NDC1: variants seen among roughly 807,000 people sequenced by gnomAD.
The protein encoded by NDC1 is nucleoporin NDC1.
A neutral mutation model predicts 89.8 loss-of-function variants in NDC1; 24 were observed. That is an observed-to-expected ratio of 0.27 (90% CI 0.19 to 0.38). The LOEUF is 0.38. Among genes scored for constraint, NDC1 ranks in the 10% least tolerant of loss-of-function variants. NDC1 has a pLI of 1.00. For synonymous variants in NDC1, 296 were observed against 284.8 expected (o/e 1.04, Z -0.39); for missense variants, 728 against 797.6 (o/e 0.91, Z 1.05).
At chr1:53,787,866 T>TA (rs10714462) in intron 15 of NDC1, among the ~76,000 whole-genome samples, 53 of 134,966 alleles carry the variant, frequency 3.9e-4, no homozygotes, top group South Asian at 1.4e-3. Flanking sequence ...GCCAGGAAAT[T>TA]AAAAAAAAAA....
intron 5 of NDC1, among the ~76,000 whole-genome samples, chr1:53,823,085 C>G (rs1312176396): frequency 6.6e-6 from 1 of 152,168 alleles, no homozygotes; most frequent in Non-Finnish European, 1.5e-5. Flanking sequence ...CCAGGCAAGA[C>G]ACTTACAAAC....
At chr1:53,833,829 A>T (rs936090103) in intron 2 of NDC1, among the ~76,000 whole-genome samples, 3 of 146,276 alleles carry the variant, frequency 2.1e-5, no homozygotes, top group South Asian at 2.1e-4. Context: ...ATTGACCTAA[A>T]TTTTTTTTTT....
intron 9 of NDC1, among the ~76,000 whole-genome samples, chr1:53,805,683 A>G (rs537971092): frequency 3.6e-4 from 55 of 152,318 alleles, no homozygotes; most frequent in African/African-American, 1.3e-3. Flanking sequence ...ATTTAAGGAG[A>G]GTTCACTAAA....
In NDC1 at chr1:53,812,084, C is replaced by T. The variant is rs569134454; in HGVS notation, c.704-2338G>A. ...AGAGTACTGCATCAAAGGAACACCT[C>T]GTGGGACAAAAGAATGTGAACAACA... On this transcript the variant is annotated intron_variant, in intron 6 of 17. Transcript: ENST00000371429. Among the ~76,000 whole-genome samples the T allele has an allele frequency of 7.2e-5, 11 of 152,288 alleles. No homozygotes were observed. The East Asian group carries it at 1.9e-3, about 27-fold the overall frequency.
chr1:53,833,773 T>C (rs758559024), intron 2 of NDC1, among the ~76,000 whole-genome samples: 3 of 152,088 alleles, frequency 2.0e-5, no homozygotes, highest in African/African-American at 7.2e-5. Context: ...AAGAGCATGT[T>C]TGCTAAGACT....
At position 53,838,235 on chromosome 1, in the gene NDC1, G is replaced by A. The variant is rs1181200; in HGVS notation, c.27C>T (p.Cys9=). Residue 9 remains cysteine (C), a synonymous_variant, in exon 1 of 18, where the codon TGC becomes TGT. Coordinates refer to ENST00000371429, the MANE Select transcript of NDC1 (RefSeq NM_018087.5). MATAVSRP[C]AGRSRDILWR... The stretch of plus-strand genomic sequence containing the variant: ...ACAGTATGTCCCGCGACCTGCCGGC[G>A]CAGGGCCGGCTCACGGCCGTGGCCA... 2,196 of 1,536,572 alleles carry A rather than the reference G, an allele frequency of 1.4e-3. 30 individuals carry two copies. In the African/African-American group the frequency reaches 0.025, roughly 18 times the overall value.
At position 53,807,825 on chromosome 1, in the gene NDC1, G is replaced by A. The variant is rs764104638; in HGVS notation, c.756-34C>T. ...GCAGAAATTACTATTAATCCTCTAG[G>A]AAAAATGCAATCTAAATATTAACAC... On this transcript the variant is annotated intron_variant, in intron 7 of 17. Transcript: ENST00000371429. The A allele has an allele frequency of 6.4e-6, 10 of 1,569,222 alleles. No individual in the cohort carries two copies. The South Asian group carries it at 1.1e-4, about 17-fold the overall frequency.
intron 17 of NDC1, among the ~76,000 whole-genome samples, chr1:53,769,372 C>T (rs1311313486): frequency 1.3e-5 from 2 of 152,110 alleles, no homozygotes; most frequent in African/African-American, 2.4e-5. Context: ...TTGTAATGTA[C>T]TAGGTATTTT....
intron 10 of NDC1, among the ~76,000 whole-genome samples, chr1:53,802,740 GT>G (rs1647964608): frequency 6.6e-6 from 1 of 152,132 alleles, no homozygotes; most frequent in East Asian, 1.9e-4. Context: ...GGACTGGACT[GT>G]TTTCCCTCTA....
chr1:53,785,615 C>T (rs1647283005), intron 16 of NDC1, among the ~76,000 whole-genome samples: 1 of 152,134 alleles, frequency 6.6e-6, no homozygotes, highest in Non-Finnish European at 1.5e-5. Flanking sequence ...CTCTGTCACC[C>T]AGGCTGGAGT....
chr1:53,831,204 G>A (rs1437933488), intron 3 of NDC1, among the ~76,000 whole-genome samples: 12 of 151,352 alleles, frequency 7.9e-5, no homozygotes, highest in East Asian at 5.9e-4. Flanking sequence ...CAGCCTGGGC[G>A]ACAGAGCAAG....
At chr1:53,795,467 G>C (rs1240133241) in intron 13 of NDC1, among the ~76,000 whole-genome samples, 1 of 151,976 alleles carries the variant, frequency 6.6e-6, no homozygotes, top group African/African-American at 2.4e-5. Flanking sequence ...TCAAACTCCT[G>C]ATTTCCCTCC....
At position 53,793,220 on chromosome 1, in the gene NDC1, T is replaced by C. The variant is rs1647580233; in HGVS notation, c.1635+9A>G. 1 of 1,603,860 alleles carries C rather than the reference T, an allele frequency of 6.2e-7. No homozygotes were observed. The highest frequency in any genetic ancestry group is 1.3e-5 in the African/African-American group (1 of 74,796). On this transcript the variant is annotated intron_variant, in intron 14 of 17. Coordinates refer to ENST00000371429, the MANE Select transcript of NDC1 (RefSeq NM_018087.5). ...CCCCATTCCCAACGCTATAACCACA[T>C]ATTCTTACCTTACTGAAAAAATACA...
intron 15 of NDC1, 95 bp downstream of exon 15, chr1:53,789,038 C>G: frequency 1.3e-6 from 1 of 785,598 alleles, no homozygotes; most frequent in Non-Finnish European, 2.1e-6. Context: ...CATTCAAAGA[C>G]TGAAATCAAG....
Position 53,835,525 on chromosome 1 carries a change from C to A in NDC1, c.153G>T (p.Leu51Phe), listed in dbSNP as rs1050289145. The A allele has an allele frequency of 1.9e-6, 3 of 1,613,310 alleles. No homozygotes were observed. Among genetic ancestry groups the A allele is most frequent in the Admixed American group, 3.3e-5 (2 of 59,902 alleles). Residue 51 changes from leucine (L) to phenylalanine (F), a missense_variant, in exon 2 of 18, where the codon TTG (leucine) becomes TTT (phenylalanine). By Grantham distance (22) the Leu-to-Phe change is conservative. Coordinates refer to ENST00000371429, the MANE Select transcript of NDC1 (RefSeq NM_018087.5). ...CAGACAGCCACTGTATAGGATGAAA[C>A]AAATCAATCCTGCTGAAAATTATAA... is the stretch of plus-strand genomic sequence containing the variant. ...TVFIIFSRID[L>F]FHPIQWLSDS... is the part of the protein sequence containing the mutation.
At chr1:53,769,015 A>C (rs1177336622) in intron 17 of NDC1, among the ~76,000 whole-genome samples, 1 of 152,120 alleles carries the variant, frequency 6.6e-6, no homozygotes, top group East Asian at 1.9e-4. Flanking sequence ...CTGCCCCTCA[A>C]ATAAATTTTG....
chr1:53,796,104 T>C (rs1253610421), intron 13 of NDC1, among the ~76,000 whole-genome samples: 1 of 152,200 alleles, frequency 6.6e-6, no homozygotes, highest in Non-Finnish European at 1.5e-5. Flanking sequence ...CAATGAGACT[T>C]CCCCTTATCA....
chr1:53,797,326 C>A (rs1011958609), intron 11 of NDC1, among the ~76,000 whole-genome samples, 182 bp from the exon 12 acceptor site: 6 of 152,220 alleles, frequency 3.9e-5, no homozygotes, highest in African/African-American at 1.4e-4. Flanking sequence ...AAGCTCCACT[C>A]AAAGAGCTTT....
chr1:53,783,730 T>C (rs1367914957), intron 16 of NDC1, among the ~76,000 whole-genome samples: 1 of 152,224 alleles, frequency 6.6e-6, no homozygotes, highest in Non-Finnish European at 1.5e-5. Flanking sequence ...GAGTTCGATC[T>C]CTTGCTCTCT....
Sources: gnomAD v4.1 joint callset for allele counts (sites outside exome capture counted in the v4.1 genomes callset) on GRCh38, gnomAD v4.1.1 for gene constraint, MANE v1.5 for transcripts, NCBI Gene and HGNC (gene_info 2026-07-23, HGNC 2026-07-21) for gene names.